Variants in KLHDC10 observed in about 807,000 individuals in gnomAD.
KLHDC10 encodes the protein kelch domain-containing protein 10.
A neutral mutation model predicts 56.1 loss-of-function variants in KLHDC10; 24 were observed. The ratio of observed to expected loss-of-function variants is 0.43; its 90% CI spans 0.31 to 0.60. KLHDC10 has a LOEUF of 0.60. KLHDC10 is among the 20% of genes least tolerant of loss of function. KLHDC10 has a pLI of 0.11. For synonymous variants in KLHDC10, 188 were observed against 207.1 expected (o/e 0.91, Z 0.79); for missense variants, 349 against 567.0 (o/e 0.62, Z 3.91).
intron 4 of KLHDC10, 24 bp from the exon 5 acceptor site, chr7:130,122,030 T>G: frequency 6.2e-7 from 1 of 1,603,984 alleles, no homozygotes; most frequent in Non-Finnish European, 8.5e-7. Flanking sequence ...AAGTCGGTCT[T>G]ATTCACCTTT....
At chr7:130,090,190 A>G (rs1274053074) in intron 1 of KLHDC10, among the ~76,000 whole-genome samples, 3 of 152,166 alleles carry the variant, frequency 2.0e-5, no homozygotes, top group Non-Finnish European at 4.4e-5. Flanking sequence ...TCATTTTTGA[A>G]TGTAAGCTAT....
intron 2 of KLHDC10, among the ~76,000 whole-genome samples, chr7:130,104,642 A>C (rs1247061250): frequency 6.6e-6 from 1 of 152,236 alleles, no homozygotes; most frequent in Non-Finnish European, 1.5e-5. Flanking sequence ...CAGGCTGTAT[A>C]GGAAGCATGG....
chr7:130,104,348 C>T (rs1429428900), intron 2 of KLHDC10, among the ~76,000 whole-genome samples: 2 of 152,078 alleles, frequency 1.3e-5, no homozygotes, highest in East Asian at 1.9e-4. Flanking sequence ...GAGAGTTGTA[C>T]TAAAGGTCCT....
intron 8 of KLHDC10, among the ~76,000 whole-genome samples, chr7:130,129,018 C>T (rs544515427): frequency 8.0e-5 from 12 of 150,416 alleles, no homozygotes; most frequent in Non-Finnish European, 1.8e-4. Context: ...TGGCAATTGC[C>T]AGCCTTAAGT....
Position 130,116,695 on chromosome 7 carries a change from C to T in KLHDC10, c.475+29C>T, listed in dbSNP as rs371180825. ...AGTGCAAGCAGTTCGTAACTCCTGACTTTATGAAATGTCTGAGAAGCCAGG... is the reference window on the plus strand; with the variant it reads ...AGTGCAAGCAGTTCGTAACTCCTGATTTTATGAAATGTCTGAGAAGCCAGG... On this transcript the variant is annotated intron_variant, in intron 3 of 9. Coordinates refer to ENST00000335420, the MANE Select transcript of KLHDC10 (RefSeq NM_014997.4). The surrounding 1 kb of genome is among the most constrained non-coding windows in gnomAD (Gnocchi z 4.8). 8.4e-6 allele frequency: 13 copies of T among 1,545,276 alleles called. No individual in the cohort carries two copies. Among genetic ancestry groups the T allele is most frequent in the Admixed American group, 8.3e-5 (5 of 59,894 alleles).
At chr7:130,119,010 G>A (rs887032892) in intron 3 of KLHDC10, among the ~76,000 whole-genome samples, 11 of 151,112 alleles carry the variant, frequency 7.3e-5, no homozygotes, top group East Asian at 2.0e-4. Context: ...TCAGGAGTTC[G>A]AGACCAGCCT....
intron 3 of KLHDC10, among the ~76,000 whole-genome samples, chr7:130,119,762 T>C (rs187976291): frequency 1.3e-3 from 198 of 147,684 alleles, no homozygotes; most frequent in Middle Eastern, 7.1e-3. Flanking sequence ...GAGAATCACC[T>C]GAACCTGGGA....
At chr7:130,078,706 C>G (rs973724841) in intron 1 of KLHDC10, among the ~76,000 whole-genome samples, 3 of 151,998 alleles carry the variant, frequency 2.0e-5, no homozygotes. Context: ...TTTTAGTAGA[C>G]ACGGGGTTTC....
intron 6 of KLHDC10, 73 bp from the exon 7 acceptor site, chr7:130,125,791 TA>T: frequency 8.4e-7 from 1 of 1,194,776 alleles, no homozygotes; most frequent in South Asian, 1.4e-5. Context: ...GTCTATTTTT[TA>T]AAAAATCCTT....
intron 1 of KLHDC10, among the ~76,000 whole-genome samples, chr7:130,071,913 C>T (rs910918562): frequency 1.3e-4 from 20 of 152,154 alleles, no homozygotes; most frequent in African/African-American, 4.1e-4. Context: ...GAATTTAGCA[C>T]ATTTAATGAG....
intron 6 of KLHDC10, among the ~76,000 whole-genome samples, chr7:130,125,317 G>A (rs576531691): frequency 1.0e-3 from 155 of 152,170 alleles, no homozygotes; most frequent in African/African-American, 3.5e-3. Flanking sequence ...CGAGGCGGGC[G>A]GATCACCTGA....
At chr7:130,090,040 C>T (rs751345861) in intron 1 of KLHDC10, among the ~76,000 whole-genome samples, 2 of 152,048 alleles carry the variant, frequency 1.3e-5, no homozygotes, top group Non-Finnish European at 1.5e-5. Flanking sequence ...CACCACCACG[C>T]CTGGCTAATT....
rs1374603716 is a variant in KLHDC10, at chr7:130,133,554, G to GAAA, written c.*2808_*2809insAAA. ...AGCCAACTCATGTCATGATAAAGCT[G>GAAA]GATTTTCAAGTCCATGTTTTCTTAC... On this transcript the variant is annotated 3_prime_UTR_variant, in exon 10 of 10. Coordinates refer to ENST00000335420, the MANE Select transcript of KLHDC10 (RefSeq NM_014997.4). 1 of 152,084 alleles carries GAAA rather than the reference G, an allele frequency of 6.6e-6. No individual in the cohort carries two copies. Among genetic ancestry groups the GAAA allele is most frequent in the African/African-American group, 2.4e-5 (1 of 41,410 alleles). The allele number at this position is 152,084 out of a possible 1,614,324, so 9.4% of individuals were successfully genotyped here. A position where few individuals can be genotyped will look rare whatever the true frequency, so the allele number is the denominator to read the frequency against.
chr7:130,070,561 T>C lies in KLHDC10; in HGVS notation c.-83T>C, dbSNP rs890740343. On this transcript the variant is annotated 5_prime_UTR_variant, in exon 1 of 10. Coordinates refer to ENST00000335420, the MANE Select transcript of KLHDC10 (RefSeq NM_014997.4). Reference sequence around the variant, plus strand: ...CCCCTTCCCCTGTCTCCTGGGTCTCTGGAGGAGCCCAGGAAGGAGGCTCCG... The same window carrying C: ...CCCCTTCCCCTGTCTCCTGGGTCTCCGGAGGAGCCCAGGAAGGAGGCTCCG... The C allele has an allele frequency of 6.5e-6, 8 of 1,230,776 alleles. No individual in the cohort carries two copies. The highest frequency in any genetic ancestry group is 1.5e-5 in the African/African-American group (1 of 65,224). 76.2% of individuals were successfully genotyped at this position (1,230,776 alleles called of 1,614,324 possible). A position where few individuals can be genotyped will look rare whatever the true frequency, so the allele number is the denominator to read the frequency against.
chr7:130,123,758 C>A (rs1356469741), intron 5 of KLHDC10, among the ~76,000 whole-genome samples: 1 of 152,110 alleles, frequency 6.6e-6, no homozygotes, highest in Non-Finnish European at 1.5e-5. Flanking sequence ...AGCAACAAGG[C>A]CTTCAGGTAA....
chr7:130,094,155 G>A (rs1464995283), intron 1 of KLHDC10, among the ~76,000 whole-genome samples: 1 of 151,988 alleles, frequency 6.6e-6, no homozygotes, highest in Non-Finnish European at 1.5e-5. Flanking sequence ...CAAACTCCTG[G>A]CCTCAAGTGA....
intron 1 of KLHDC10, among the ~76,000 whole-genome samples, chr7:130,072,608 C>T (rs772016128): frequency 5.3e-5 from 8 of 152,118 alleles, no homozygotes; most frequent in Non-Finnish European, 1.0e-4. Context: ...CATACCAATT[C>T]TTTATTCTGC....
At position 130,130,828 on chromosome 7, in the gene KLHDC10, A is replaced by G; in HGVS notation, c.*82A>G. The G allele has an allele frequency of 7.3e-7, 1 of 1,363,710 alleles. No homozygotes were observed. The highest frequency in any genetic ancestry group is 1.0e-6 in the Non-Finnish European group (1 of 958,522). The allele number at this position is 1,363,710 out of a possible 1,614,324, so 84.5% of individuals were successfully genotyped here. On this transcript the variant is annotated 3_prime_UTR_variant, in exon 10 of 10. Coordinates refer to ENST00000335420, the MANE Select transcript of KLHDC10 (RefSeq NM_014997.4). The surrounding 1 kb of genome is among the most constrained non-coding windows in gnomAD (Gnocchi z 4.2). ...TTATGGGCAGTGTAGAATGTGCTACAAAGAGGATTGGTTACCCTGATCAAG... is the reference window on the plus strand; with the variant it reads ...TTATGGGCAGTGTAGAATGTGCTACGAAGAGGATTGGTTACCCTGATCAAG...
chr7:130,072,404 A>T (rs746240679), intron 1 of KLHDC10, among the ~76,000 whole-genome samples: 2 of 152,224 alleles, frequency 1.3e-5, no homozygotes, highest in Non-Finnish European at 2.9e-5. Flanking sequence ...CCCTTAGCAC[A>T]CAAGACCAAG....
Sources: allele counts gnomAD v4.1 joint callset (sites outside exome capture counted in the v4.1 genomes callset), GRCh38; gene constraint gnomAD v4.1.1; non-coding constraint Gnocchi (gnomAD v3.1); transcripts MANE v1.5; gene names NCBI Gene and HGNC (gene_info 2026-07-23, HGNC 2026-07-21).